Variants in OTOGL observed in about 807,000 individuals in gnomAD.
The protein encoded by OTOGL is otogelin-like protein.
In OTOGL, 285 loss-of-function variants were observed where a neutral mutation model predicts 318.5. The observed-to-expected ratio is 0.89, with a 90% confidence interval of 0.81 to 0.99. The LOEUF (loss-of-function observed/expected upper bound fraction) is 0.99, where lower values mean the gene tolerates loss of function less well. OTOGL is among the 50% of genes least tolerant of loss of function. OTOGL has a pLI of 0.00. For missense variants in OTOGL, 2,899 were observed against 2,845.6 expected (o/e 1.02, Z -0.43); for synonymous variants, 987 against 936.5 (o/e 1.05, Z -0.99).
Position 80,272,786 on chromosome 12 carries a change from C to T in OTOGL, c.2681+976C>T, listed in dbSNP as rs1032576369. Among the ~76,000 whole-genome samples the T allele has an allele frequency of 6.6e-5, 10 of 152,110 alleles. No homozygotes were observed. In the East Asian group the frequency reaches 1.4e-3, roughly 21 times the overall value. ...GAAGAGCCAAGTAACTTGGAACTGGCATTAATCTCTTTAGAAAGAAAGGAC... is the reference window on the plus strand; with the variant it reads ...GAAGAGCCAAGTAACTTGGAACTGGTATTAATCTCTTTAGAAAGAAAGGAC... On this transcript the variant is annotated intron_variant, in intron 24 of 58. Coordinates refer to ENST00000547103, the MANE Select transcript of OTOGL (RefSeq NM_001378609.3).
At chr12:80,337,082 A>G (rs555338745) in intron 42 of OTOGL, 78 bp downstream of exon 42, 69 of 1,057,198 alleles carry the variant, frequency 6.5e-5, no homozygotes, top group Middle Eastern at 5.5e-4. Flanking sequence ...AATAAGAGGG[A>G]AAATTAAGCA....
At position 80,352,367 on chromosome 12, in the gene OTOGL, C is replaced by T; in HGVS notation, c.5338C>T (p.Leu1780Phe). Residue 1780 changes from leucine to phenylalanine, a missense_variant, in exon 45 of 59, where the codon CTT (leucine) becomes TTT (phenylalanine). Coordinates refer to ENST00000547103, the MANE Select transcript of OTOGL (RefSeq NM_001378609.3). ...TYFWNYECDA[L>F]SAYVALCNKF... is the part of the protein sequence containing the mutation. ...TTTTTGGAACTATGAATGTGATGCA[C>T]TTTCTGCATATGTGGCTCTGTGCAA... 3 of 1,612,458 alleles carry T rather than the reference C, an allele frequency of 1.9e-6. No homozygotes were observed. The highest frequency in any genetic ancestry group is 2.5e-6 in the Non-Finnish European group (3 of 1,178,924).
chr12:80,304,451 C>A (rs1299676581), intron 28 of OTOGL, among the ~76,000 whole-genome samples: 1 of 151,876 alleles, frequency 6.6e-6, no homozygotes, highest in Non-Finnish European at 1.5e-5. Context: ...GACTGAGACT[C>A]ATGGATATAA....
intron 14 of OTOGL, among the ~76,000 whole-genome samples, chr12:80,253,868 T>C (rs1250688979): frequency 6.6e-6 from 1 of 152,134 alleles, no homozygotes; most frequent in African/African-American, 2.4e-5. Context: ...AACTTGATGG[T>C]GCTTCTGGGC....
At chr12:80,166,997 G>A (rs951415785) in intron 1 of OTOGL, among the ~76,000 whole-genome samples, 1 of 152,124 alleles carries the variant, frequency 6.6e-6, no homozygotes, top group South Asian at 2.1e-4. Context: ...TTTCGGGGAG[G>A]AATAACTGAT....
intron 19 of OTOGL, among the ~76,000 whole-genome samples, chr12:80,264,065 A>G (rs1002766615): frequency 6.6e-6 from 1 of 152,200 alleles, no homozygotes. Context: ...TAAGTTCAGT[A>G]TAATTCCTTA....
At position 80,377,206 on chromosome 12, in the gene OTOGL, A is replaced by G; in HGVS notation, c.6861+4A>G. 5 of 1,590,166 alleles carry G rather than the reference A, an allele frequency of 3.1e-6. No individual in the cohort carries two copies. Among genetic ancestry groups the G allele is most frequent in the Non-Finnish European group, 4.3e-6 (5 of 1,164,054 alleles). On this transcript the variant is annotated splice_donor_region_variant and intron_variant, in intron 58 of 58. Transcript: ENST00000547103. ...GGACTGTATGAGCCAAAGCCCTGTA[A>G]GTGGAAAAATGTCATTTGCTACATA...
chr12:80,341,581 A>G (rs987390988), intron 43 of OTOGL, among the ~76,000 whole-genome samples: 2 of 152,182 alleles, frequency 1.3e-5, no homozygotes, highest in Admixed American at 6.5e-5. Flanking sequence ...CCAAATGTCC[A>G]TTACTGTGGA....
At chr12:80,297,220 G>A (rs1365210913) in intron 27 of OTOGL, among the ~76,000 whole-genome samples, 1 of 151,880 alleles carries the variant, frequency 6.6e-6, no homozygotes, top group African/African-American at 2.4e-5. Context: ...CCCACCTATT[G>A]CCTTAATTAC....
chr12:80,271,849 G>A (rs1347622271), intron 24 of OTOGL, 39 bp downstream of exon 24: 1 of 1,563,680 alleles, frequency 6.4e-7, no homozygotes, highest in South Asian at 1.2e-5. Flanking sequence ...TTCAGGATTT[G>A]CCTGAAAGCA....
At chr12:80,328,143 C>A (rs1441330166) in intron 35 of OTOGL, among the ~76,000 whole-genome samples, 1 of 151,584 alleles carries the variant, frequency 6.6e-6, no homozygotes, top group South Asian at 2.1e-4. Context: ...ATGACGAAAC[C>A]TCATCTCTAC....
Position 80,314,287 on chromosome 12 carries a change from A to G in OTOGL, c.3608-18A>G. On this transcript the variant is annotated intron_variant, in intron 31 of 58. Transcript: ENST00000547103. ...TGACTTCTTACATAGTTTAATATTT[A>G]TTCTTTTTTTCTTTTAGCACTTGAT... 5.2e-6 allele frequency: 5 copies of G among 970,310 alleles called. No individual in the cohort carries two copies. The highest frequency in any genetic ancestry group is 6.9e-6 in the Non-Finnish European group (5 of 725,648). 60.1% of individuals were successfully genotyped at this position (970,310 alleles called of 1,614,324 possible).
rs184190071 is a variant in OTOGL at position 80,327,561 on chromosome 12, G to C, written c.4200-1104G>C. On this transcript the variant is annotated intron_variant, in intron 35 of 58. Transcript: ENST00000547103. ...TTCAGTGAGTTTAGGATTAATAACAGGCAGGGAGAGCCACTGAAGATTCTG... is the reference window on the plus strand; with the variant it reads ...TTCAGTGAGTTTAGGATTAATAACACGCAGGGAGAGCCACTGAAGATTCTG... 3.9e-5 allele frequency among the ~76,000 whole-genome samples: 6 copies of C among 152,084 alleles called. No homozygotes were observed. In the East Asian group the frequency reaches 1.2e-3, roughly 30 times the overall value.
intron 44 of OTOGL, among the ~76,000 whole-genome samples, chr12:80,349,740 G>A (rs1257620218): frequency 1.3e-5 from 2 of 152,134 alleles, no homozygotes; most frequent in African/African-American, 4.8e-5. Context: ...ATTTCCCAAA[G>A]ACATTGAAAA....
intron 38 of OTOGL, among the ~76,000 whole-genome samples, chr12:80,334,730 G>A (rs1431334047): frequency 6.6e-6 from 1 of 152,118 alleles, no homozygotes; most frequent in Non-Finnish European, 1.5e-5. Context: ...TCTGAGATGA[G>A]GTCTGAGAAT....
chr12:80,278,761 A>C (rs1217765224), intron 25 of OTOGL, among the ~76,000 whole-genome samples: 1 of 151,606 alleles, frequency 6.6e-6, no homozygotes, highest in African/African-American at 2.4e-5. Flanking sequence ...ACCTGTGTTC[A>C]GTTTTTCATT....
At chr12:80,152,223 G>T (rs1872829976) in intron 1 of OTOGL, among the ~76,000 whole-genome samples, 1 of 152,092 alleles carries the variant, frequency 6.6e-6, no homozygotes, top group South Asian at 2.1e-4. Context: ...ACTGGCTCTT[G>T]GTGGTTGGGA....
At chr12:80,103,493 A>G (rs1265877143) in intron 1 of OTOGL, among the ~76,000 whole-genome samples, 1 of 152,156 alleles carries the variant, frequency 6.6e-6, no homozygotes, top group African/African-American at 2.4e-5. Context: ...AGTCAGCTCA[A>G]ATATCACTTT....
chr12:80,116,883 C>T (rs1277469830), intron 1 of OTOGL, among the ~76,000 whole-genome samples: 1 of 152,154 alleles, frequency 6.6e-6, no homozygotes, highest in African/African-American at 2.4e-5. Context: ...TGTCATTGCT[C>T]AAATAATTCC....
Sources: gnomAD v4.1 joint callset for allele counts (sites outside exome capture counted in the v4.1 genomes callset) on GRCh38, gnomAD v4.1.1 for gene constraint, MANE v1.5 for transcripts, NCBI Gene and HGNC (gene_info 2026-07-23, HGNC 2026-07-21) for gene names.